The following CCL25 variants were observed in gnomAD, a reference collection of about 807,000 sequenced individuals.
CCL25 encodes C-C motif chemokine 25.
A neutral mutation model predicts 19.9 loss-of-function variants in CCL25; 14 were observed. The ratio of observed to expected loss-of-function variants is 0.70; its 90% confidence interval spans 0.47 to 1.10. The LOEUF (loss-of-function observed/expected upper bound fraction) is 1.10. Ranked by LOEUF, CCL25 falls within the 50% of genes least tolerant of loss-of-function variation. The pLI is 0.00. For missense variants in CCL25, 151 were observed against 181.2 expected (o/e 0.83, Z 0.96); for synonymous variants, 68 against 73.2 (o/e 0.93, Z 0.36).
At chr19:8,058,658 TTTA>T (rs2081292745) in intron 5 of CCL25, among the ~76,000 whole-genome samples, 1 of 127,574 alleles carries the variant, frequency 7.8e-6, no homozygotes, top group Non-Finnish European at 1.6e-5. Flanking sequence ...AATATATATA[TTTA>T]TTATTATTTT....
intron 2 of CCL25, among the ~76,000 whole-genome samples, chr19:8,055,626 G>T (rs968823445): frequency 6.6e-6 from 1 of 151,690 alleles, no homozygotes; most frequent in African/African-American, 2.4e-5. Flanking sequence ...GAGCCACCGC[G>T]CCCGGCCTAA....
chr19:8,056,540 C>T (rs2081274142), intron 4 of CCL25, 41 bp downstream of exon 4: 1 of 1,610,556 alleles, frequency 6.2e-7, no homozygotes, highest in African/African-American at 1.3e-5. Flanking sequence ...GGCCTGCCCT[C>T]CCTGCCTGCA....
Position 8,052,797 on chromosome 19 carries a change from CA to C in CCL25, c.-75del. ...GCTTGGCCTACAGCCCGGCGGGCAT[CA>C]GCTCCCTTGACCCAGTGGATATCGG... On this transcript the variant is annotated 5_prime_UTR_variant, in exon 1 of 6. The change abolishes the stop of an existing upstream ORF in the 5' untranslated region. Coordinates refer to ENST00000315626, the MANE Select transcript of CCL25 (RefSeq NM_005624.4). 2.2e-6 allele frequency: 1 copy of C among 450,540 alleles called. No individual in the cohort carries two copies. Among genetic ancestry groups the C allele is most frequent in the Non-Finnish European group, 3.9e-6 (1 of 254,078 alleles). 27.9% of individuals were successfully genotyped at this position (450,540 alleles called of 1,614,324 possible). A position where few individuals can be genotyped will look rare whatever the true frequency, so the allele number is the denominator to read the frequency against.
intron 3 of CCL25, 33 bp downstream of exon 3, chr19:8,056,302 G>GGGGCCCCC: frequency 1.7e-6 from 1 of 593,406 alleles, no homozygotes; most frequent in East Asian, 4.5e-5. Context: ...GGGGGGTGGG[G>GGGGCCCCC]TGCACACACA....
intron 5 of CCL25, among the ~76,000 whole-genome samples, chr19:8,058,329 TATATAA>T (rs1208021364): frequency 1.1e-5 from 1 of 91,112 alleles, no homozygotes; most frequent in Admixed American, 1.4e-4. Flanking sequence ...AAATATATAA[TATATAA>T]ATATATATAA....
Position 8,053,116 on chromosome 19 carries a change from A to T in CCL25, c.67A>T (p.Thr23Ser). 2.6e-6 allele frequency: 4 copies of T among 1,553,756 alleles called. No individual in the cohort carries two copies. The highest frequency in any genetic ancestry group is 2.4e-5 in the East Asian group (1 of 41,306). Residue 23 changes from threonine (T) to serine (S), a missense_variant, in exon 2 of 6, where the codon ACC becomes TCC. By Grantham distance (58) the Thr-to-Ser change is moderately conservative (BLOSUM62 1). Transcript: ENST00000315626. ...GGGAGCCTGGGCCCCCGCTGTCCAC[A>T]CCCAAGGTACTGTGTTCGGCAATGC... ...FLGAWAPAVHTQGVFEDCCLA... is the reference protein window; with the variant it reads ...FLGAWAPAVHSQGVFEDCCLA...
At chr19:8,054,723 C>T (rs1299941409) in intron 2 of CCL25, among the ~76,000 whole-genome samples, 5 of 151,542 alleles carry the variant, frequency 3.3e-5, no homozygotes, top group South Asian at 2.1e-4. Context: ...AGATCAGTTT[C>T]CCGGGAGCTC....
intron 5 of CCL25, among the ~76,000 whole-genome samples, chr19:8,058,565 TAATATATAATATATA>T (rs1259717138): frequency 3.5e-5 from 4 of 113,018 alleles, no homozygotes; most frequent in African/African-American, 6.3e-5. Context: ...TATATAAAAA[TAATATATAATATATA>T]AATATATAAT....
intron 4 of CCL25, among the ~76,000 whole-genome samples, chr19:8,056,847 TTTA>T (rs1250525399): frequency 6.6e-6 from 1 of 152,026 alleles, no homozygotes; most frequent in East Asian, 1.9e-4. Context: ...GTCCAGCTCT[TTTA>T]TTATTATTTT....
chr19:8,055,157 C>T (rs1392391042), intron 2 of CCL25, among the ~76,000 whole-genome samples: 7 of 140,554 alleles, frequency 5.0e-5, no homozygotes, highest in East Asian at 2.7e-4. Context: ...GTCGTGGTGG[C>T]GGGCGCCTGT....
chr19:8,055,166 G>A (rs1376613688), intron 2 of CCL25, among the ~76,000 whole-genome samples: 16 of 138,678 alleles, frequency 1.2e-4, no homozygotes, highest in Admixed American at 1.1e-3. Flanking sequence ...GCGGGCGCCT[G>A]TAATCCCAGC....
chr19:8,054,459 T>C (rs1237284318), intron 2 of CCL25, among the ~76,000 whole-genome samples: 8 of 152,168 alleles, frequency 5.3e-5, no homozygotes, highest in Non-Finnish European at 5.9e-5. Flanking sequence ...GAGTCCTCCC[T>C]TTCCCTGCTC....
chr19:8,062,291 C>G lies in CCL25; in HGVS notation c.*66C>G. 1 of 1,578,536 alleles carries G rather than the reference C, an allele frequency of 6.3e-7. No individual in the cohort carries two copies. Among genetic ancestry groups the G allele is most frequent in the Non-Finnish European group, 8.7e-7 (1 of 1,149,190 alleles). ...GATCTTTCTCCGATAAAACCGTCGC[C>G]CTACAGACCCAGCTGTCCCCACGCC... On this transcript the variant is annotated 3_prime_UTR_variant, in exon 6 of 6. Transcript: ENST00000315626.
intron 5 of CCL25, among the ~76,000 whole-genome samples, chr19:8,061,298 A>G (rs1158441254): frequency 6.6e-6 from 1 of 151,874 alleles, no homozygotes; most frequent in Non-Finnish European, 1.5e-5. Context: ...CTTCACCAGC[A>G]ATTTTTTTGT....
rs181196755 is a variant in CCL25, at chr19:8,056,423, G to A, written c.249G>A (p.Val83=). ...GTGGGAACCCCAAAAGCAGGGAGGT[G>A]CAGAGAGCCATGAAGCTCCTGGATG... ...KVCGNPKSRE[V]QRAMKLLDAR... The change falls in exon 4 of 6, where the codon GTG becomes GTA. Residue 83 remains valine, a synonymous_variant. Coordinates refer to ENST00000315626, the MANE Select transcript of CCL25 (RefSeq NM_005624.4). 1,401 of 1,614,074 alleles carry A rather than the reference G, an allele frequency of 8.7e-4. 2 individuals are homozygous for A. Among genetic ancestry groups the A allele is most frequent in the South Asian group, 1.5e-3 (135 of 91,046 alleles).
intron 2 of CCL25, among the ~76,000 whole-genome samples, chr19:8,055,158 G>A (rs1250610217): frequency 6.2e-5 from 9 of 144,086 alleles, no homozygotes; most frequent in Non-Finnish European, 1.1e-4. Context: ...TCGTGGTGGC[G>A]GGCGCCTGTA....
At chr19:8,054,502 C>T (rs977656462) in intron 2 of CCL25, among the ~76,000 whole-genome samples, 4 of 152,188 alleles carry the variant, frequency 2.6e-5, no homozygotes, top group Admixed American at 1.3e-4. Flanking sequence ...GACTCAGACT[C>T]GGCCTCTGGA....
At position 8,062,248 on chromosome 19, in the gene CCL25, T is replaced by A. The variant is rs2081323447; in HGVS notation, c.*23T>A. 6.2e-7 allele frequency: 1 copy of A among 1,612,600 alleles called. No homozygotes were observed. The highest frequency in any genetic ancestry group is 1.7e-5 in the Admixed American group (1 of 59,958). ...TGAGCCGGCTCATTTCTGGGCTCCA[T>A]CGGCACAGGAGGGGCCGGATCTTTC... On this transcript the variant is annotated 3_prime_UTR_variant, in exon 6 of 6. Coordinates refer to ENST00000315626, the MANE Select transcript of CCL25 (RefSeq NM_005624.4).
At chr19:8,056,959 C>T (rs1254105397) in intron 4 of CCL25, among the ~76,000 whole-genome samples, 2 of 152,196 alleles carry the variant, frequency 1.3e-5, no homozygotes, top group African/African-American at 2.4e-5. Context: ...CCTCCTACCT[C>T]AGCCTCCTGA....
Sources: allele counts gnomAD v4.1 joint callset (sites outside exome capture counted in the v4.1 genomes callset), GRCh38; gene constraint gnomAD v4.1.1; transcripts MANE v1.5; gene names NCBI Gene and HGNC (gene_info 2026-07-23, HGNC 2026-07-21).